Variants in VPS33A observed in about 807,000 individuals in gnomAD.
VPS33A encodes vacuolar protein sorting-associated protein 33A.
VPS33A carries 32 observed loss-of-function variants against 71.8 expected under a neutral mutation model. That is an observed-to-expected ratio of 0.45 (90% CI 0.34 to 0.60). The LOEUF (loss-of-function observed/expected upper bound fraction) is 0.60. VPS33A is among the 20% of genes least tolerant of loss of function. The pLI is 0.02. For synonymous variants in VPS33A, 311 were observed against 292.7 expected (o/e 1.06, Z -0.64); for missense variants, 625 against 748.5 (o/e 0.84, Z 1.92).
At position 122,251,733 on chromosome 12, in the gene VPS33A, T is replaced by A. The variant is rs191491002; in HGVS notation, c.484-634A>T. 7.9e-5 allele frequency among the ~76,000 whole-genome samples: 12 copies of A among 151,502 alleles called. No homozygotes were observed. In the East Asian group the frequency reaches 1.8e-3, roughly 22 times the overall value. On this transcript the variant is annotated intron_variant, in intron 4 of 12. Coordinates refer to ENST00000267199, the MANE Select transcript of VPS33A (RefSeq NM_022916.6). ...GGTGGGAATTGAACAATGAGAACAC[T>A]TGGACACAGGAAGGGGAACATCACA...
At chr12:122,257,794 T>A (rs934069386) in intron 4 of VPS33A, among the ~76,000 whole-genome samples, 4 of 152,268 alleles carry the variant, frequency 2.6e-5, no homozygotes, top group Middle Eastern at 3.4e-3. Context: ...CTCACACTTC[T>A]GATTTCAAAG....
chr12:122,233,668 C>T (rs1346150560), intron 11 of VPS33A, among the ~76,000 whole-genome samples: 1 of 152,160 alleles, frequency 6.6e-6, no homozygotes, highest in Admixed American at 6.5e-5. Context: ...AAAGTATAAA[C>T]GTATTAACTG....
rs753706592 is a variant in VPS33A, at chr12:122,249,947, A to G, written c.699T>C (p.Asn233=). 4 of 1,614,150 alleles carry G rather than the reference A, an allele frequency of 2.5e-6. No individual in the cohort carries two copies. The Admixed American group carries it at 6.7e-5, about 27-fold the overall frequency. Residue 233 remains asparagine, a synonymous_variant, in exon 6 of 13, where the codon AAT becomes AAC. Coordinates refer to ENST00000267199, the MANE Select transcript of VPS33A (RefSeq NM_022916.6). ...VFDNLLLLDR[N]VDLLTPLATQ... is the part of the protein sequence containing the mutation. ...TGGCAAGAGGTGTTAATAAATCCACATTCCGATCAAGCAACAAGAGATTAT... is the reference window on the plus strand; with the variant it reads ...TGGCAAGAGGTGTTAATAAATCCACGTTCCGATCAAGCAACAAGAGATTAT...
intron 4 of VPS33A, among the ~76,000 whole-genome samples, chr12:122,252,584 A>T (rs1305305417): frequency 7.0e-6 from 1 of 143,374 alleles, no homozygotes; most frequent in Non-Finnish European, 1.5e-5. Flanking sequence ...CCATCTCTTT[A>T]AAAAAAAAAG....
At position 122,230,051 on chromosome 12, in the gene VPS33A, G is replaced by A. The variant is rs1593189312; in HGVS notation, c.*2195C>T. ...AAGCAGCTGATGACTGCCTGAGGTGGAAGGTATAAACTAATCTCCCTGGGA... is the reference window on the plus strand; with the variant it reads ...AAGCAGCTGATGACTGCCTGAGGTGAAAGGTATAAACTAATCTCCCTGGGA... On this transcript the variant is annotated 3_prime_UTR_variant, in exon 13 of 13. Transcript: ENST00000267199. 6.6e-6 allele frequency: 1 copy of A among 152,278 alleles called. No homozygotes were observed. The highest frequency in any genetic ancestry group is 2.1e-4 in the South Asian group (1 of 4,822). 9.4% of individuals were successfully genotyped at this position (152,278 alleles called of 1,614,324 possible). A position where few individuals can be genotyped will look rare whatever the true frequency, so the allele number is the denominator to read the frequency against.
intron 4 of VPS33A, among the ~76,000 whole-genome samples, chr12:122,253,760 C>A (rs534522251): frequency 3.9e-5 from 6 of 152,038 alleles, no homozygotes; most frequent in Admixed American, 2.0e-4. Context: ...TGCAGTCGGG[C>A]AACCTCAGCT....
chr12:122,240,017 A>G, intron 8 of VPS33A, 72 bp from the exon 9 acceptor site: 1 of 1,172,946 alleles, frequency 8.5e-7, no homozygotes, highest in Non-Finnish European at 1.3e-6. Context: ...GCTTTTATAC[A>G]CAGAGCACGA....
intron 4 of VPS33A, chr12:122,253,613 A>G (rs1033436447): frequency 6.5e-6 from 1 of 154,152 alleles, no homozygotes; most frequent in South Asian, 2.0e-4. Context: ...ATTTTACTTA[A>G]TTTTTTTAAG....
chr12:122,242,234 G>A (rs762129118), intron 8 of VPS33A, 148 bp downstream of exon 8: 13 of 1,001,530 alleles, frequency 1.3e-5, no homozygotes, highest in Non-Finnish European at 1.9e-5. Context: ...ATTAACATAT[G>A]TATACTTCAT....
chr12:122,262,184 G>C (rs1030459038), intron 3 of VPS33A, among the ~76,000 whole-genome samples: 2 of 151,996 alleles, frequency 1.3e-5, no homozygotes, highest in African/African-American at 4.8e-5. Flanking sequence ...GAGTGAGACT[G>C]TGTCTCAAAA....
At chr12:122,233,083 C>T (rs952215137) in intron 11 of VPS33A, 115 bp from the exon 12 acceptor site, 51 of 1,151,434 alleles carry the variant, frequency 4.4e-5, no homozygotes, top group Non-Finnish European at 5.8e-5. Flanking sequence ...TATACAACCC[C>T]CACCCCTGCC....
Position 122,235,798 on chromosome 12 carries a change from A to G in VPS33A, c.1428T>C (p.Asp476=). The change falls in exon 11 of 13, where the codon GAT becomes GAC. Residue 476 remains aspartate (D), a synonymous_variant. Transcript: ENST00000267199. The part of the protein sequence containing the change: ...IRKTLRLWMD[D]VNEQNPTDIS... Reference sequence around the variant, plus strand: ...AAGTGTGGCTTACTTGCTCATTAACATCATCCATCCAGAGGCGTAATGTTT... The same window carrying G: ...AAGTGTGGCTTACTTGCTCATTAACGTCATCCATCCAGAGGCGTAATGTTT... 6.2e-7 allele frequency: 1 copy of G among 1,611,820 alleles called. No individual in the cohort carries two copies. The highest frequency in any genetic ancestry group is 8.5e-7 in the Non-Finnish European group (1 of 1,179,010).
Position 122,235,791 on chromosome 12 carries a change from C to T in VPS33A, c.1435G>A (p.Glu479Lys). 6.2e-7 allele frequency: 1 copy of T among 1,610,900 alleles called. No individual in the cohort carries two copies. Among genetic ancestry groups the T allele is most frequent in the Non-Finnish European group, 8.5e-7 (1 of 1,178,446 alleles). The change falls in exon 11 of 13, where the codon GAG (glutamate) becomes AAG (lysine). Residue 479 changes from glutamate (E) to lysine (K), a missense_variant. Coordinates refer to ENST00000267199, the MANE Select transcript of VPS33A (RefSeq NM_022916.6). ...GGTGGAGAAGTGTGGCTTACTTGCT[C>T]ATTAACATCATCCATCCAGAGGCGT... ...TLRLWMDDVN[E>K]QNPTDISYVY... is the part of the protein sequence containing the mutation.
rs552317172 is a variant in VPS33A at position 122,246,392 on chromosome 12, CG to C, written c.776-1631del. ...TCAGCTCACTACAACCTCCACCTCC[CG>C]GGTTCAAGCGATTCTCCTGCCTCAG... On this transcript the variant is annotated intron_variant, in intron 6 of 12. Coordinates refer to ENST00000267199, the MANE Select transcript of VPS33A (RefSeq NM_022916.6). Among the ~76,000 whole-genome samples the C allele has an allele frequency of 1.7e-3, 257 of 152,048 alleles. 1 individual carries two copies. Among genetic ancestry groups the C allele is most frequent in the African/African-American group, 5.8e-3 (241 of 41,470 alleles).
chr12:122,235,631 T>C (rs1424190153), intron 11 of VPS33A, among the ~76,000 whole-genome samples, 155 bp downstream of exon 11: 4 of 152,230 alleles, frequency 2.6e-5, no homozygotes, highest in African/African-American at 9.6e-5. Context: ...TCTAGGATTC[T>C]GATGGATACA....
intron 1 of VPS33A, 62 bp from the exon 2 acceptor site, chr12:122,264,261 TA>T: frequency 1.5e-6 from 2 of 1,294,644 alleles, no homozygotes; most frequent in Middle Eastern, 2.0e-4. Context: ...ACAATACCAA[TA>T]AAAAATAGCC....
At chr12:122,233,614 C>T (rs897834388) in intron 11 of VPS33A, among the ~76,000 whole-genome samples, 2 of 152,274 alleles carry the variant, frequency 1.3e-5, no homozygotes, top group South Asian at 4.1e-4. Flanking sequence ...TACTTTTAGG[C>T]ATTAATCCTA....
Position 122,242,439 on chromosome 12 carries a change from C to T in VPS33A, c.1039G>A (p.Ala347Thr). ...FVSQLPHMQA[A>T]RGSLANHTSI... The stretch of plus-strand genomic sequence containing the variant: ...GTATGGTTTGCAAGCGAGCCCCTTG[C>T]TGCCTGCATGTGGGGCAACTGGGAA... The change falls in exon 8 of 13, where the codon GCA becomes ACA. Residue 347 changes from alanine to threonine, a missense_variant. Transcript: ENST00000267199. 6.2e-7 allele frequency: 1 copy of T among 1,614,156 alleles called. No individual in the cohort carries two copies. The highest frequency in any genetic ancestry group is 8.5e-7 in the Non-Finnish European group (1 of 1,180,002).
intron 12 of VPS33A, 129 bp from the exon 13 acceptor site, chr12:122,232,556 G>T: frequency 8.9e-7 from 1 of 1,121,196 alleles, no homozygotes; most frequent in Non-Finnish European, 1.2e-6. Context: ...TGAAACCTAA[G>T]AATACTGATT....
Sources: gnomAD v4.1 joint callset for allele counts (sites outside exome capture counted in the v4.1 genomes callset) on GRCh38, gnomAD v4.1.1 for gene constraint, MANE v1.5 for transcripts, NCBI Gene and HGNC (gene_info 2026-07-23, HGNC 2026-07-21) for gene names.